The following PCDHA6 variants were observed in gnomAD, a reference collection of about 807,000 sequenced individuals.
The protein encoded by PCDHA6 is protocadherin alpha 6, also known as protocadherin alpha-6.
In PCDHA6, 55 loss-of-function variants were observed where a neutral mutation model predicts 60.3. The observed-to-expected ratio is 0.91, with a 90% confidence interval of 0.73 to 1.14. The LOEUF (loss-of-function observed/expected upper bound fraction) is 1.14, where lower values mean the gene tolerates loss of function less well. Among genes scored for constraint, PCDHA6 ranks in the 50% most tolerant of loss-of-function variants. PCDHA6 has a pLI of 0.00. For synonymous variants in PCDHA6, 652 were observed against 557.9 expected (o/e 1.17, Z -2.38); for missense variants, 1,327 against 1,256.5 (o/e 1.06, Z -0.85).
intron 1 of PCDHA6, among the ~76,000 whole-genome samples, chr5:140,891,033 G>C (rs2062910794): frequency 6.6e-6 from 1 of 151,596 alleles, no homozygotes; most frequent in South Asian, 2.1e-4. Context: ...TATAATCTTA[G>C]GTGTGACCCC....
At chr5:140,833,975 T>C (rs1554134022) in intron 1 of PCDHA6, among the ~76,000 whole-genome samples, 1 of 152,086 alleles carries the variant, frequency 6.6e-6, no homozygotes, top group East Asian at 1.9e-4. Flanking sequence ...GAAAAAAAAG[T>C]TTTTCTAAGG....
intron 1 of PCDHA6, among the ~76,000 whole-genome samples, chr5:140,908,808 A>C (rs781863210): frequency 6.6e-6 from 1 of 152,068 alleles, no homozygotes; most frequent in Non-Finnish European, 1.5e-5. Flanking sequence ...AAAAAGTGAG[A>C]GCCTTTTGGG....
chr5:140,842,791 G>C (rs1554139385), intron 1 of PCDHA6: 1 of 1,594,368 alleles, frequency 6.3e-7, no homozygotes, highest in Non-Finnish European at 8.6e-7. Context: ...ACGCGCTGGT[G>C]TCCTACTCGC....
chr5:140,859,656 C>A (rs2045955130), intron 1 of PCDHA6: 1 of 155,362 alleles, frequency 6.4e-6, no homozygotes, highest in Admixed American at 6.4e-5. Context: ...TCAGTACGTG[C>A]TTCACAAATA....
At chr5:140,883,459 G>A in intron 1 of PCDHA6, 1 of 1,614,132 alleles carries the variant, frequency 6.2e-7, no homozygotes, top group Non-Finnish European at 8.5e-7. Context: ...CCTTCAAGCT[G>A]GTGTCCACCT....
chr5:140,847,929 T>C (rs1164805160), intron 1 of PCDHA6: 1 of 151,198 alleles, frequency 6.6e-6, no homozygotes, highest in African/African-American at 2.4e-5. Context: ...CACTAGAGAT[T>C]GCAACTCCTG....
Position 140,967,255 on chromosome 5 carries a change from T to C in PCDHA6, c.2395-11694T>C, listed in dbSNP as rs202164321. ...TTCAGGTAAGCGAATCGGTGGCGCC[T>C]GGAGCGCGCTTTCACATAGAGAGTG... On this transcript the variant is annotated intron_variant, in intron 1 of 3. Coordinates refer to ENST00000529310, the MANE Select transcript of PCDHA6 (RefSeq NM_018909.4). The C allele has an allele frequency of 1.8e-4, 297 of 1,613,460 alleles. 1 individual carries two copies. The East Asian group carries it at 6.5e-3, about 35-fold the overall frequency.
intron 1 of PCDHA6, among the ~76,000 whole-genome samples, chr5:140,941,213 TCC>T (rs1491191685): frequency 2.4e-4 from 26 of 106,900 alleles, no homozygotes; most frequent in African/African-American, 9.0e-4. Context: ...CTTTCTTTCT[TCC>T]TTTCTTTCTT....
chr5:140,838,089 T>TA (rs1775524644), intron 1 of PCDHA6, among the ~76,000 whole-genome samples: 1 of 121,926 alleles, frequency 8.2e-6, no homozygotes, highest in East Asian at 2.1e-4. Context: ...TGTGTGTGTG[T>TA]GTGTGTGTGT....
intron 1 of PCDHA6, among the ~76,000 whole-genome samples, chr5:140,970,781 G>A (rs2096433448): frequency 6.6e-6 from 1 of 152,042 alleles, no homozygotes; most frequent in Admixed American, 6.6e-5. Context: ...CATACATATT[G>A]TATGTAATAT....
At position 140,848,714 on chromosome 5, in the gene PCDHA6, C is replaced by A. The variant is rs2150418580; in HGVS notation, c.2394+18229C>A. On this transcript the variant is annotated intron_variant, in intron 1 of 3. Transcript: ENST00000529310. ...AGTTGGATTCCAAAGGCCGCGGGGA[C>A]CTTCTGGAGGTAAATCTGCAGAATG... 5.0e-6 allele frequency: 8 copies of A among 1,592,122 alleles called. 1 individual carries two copies. Among genetic ancestry groups the A allele is most frequent in the Non-Finnish European group, 6.0e-6 (7 of 1,163,208 alleles).
intron 1 of PCDHA6, among the ~76,000 whole-genome samples, chr5:140,838,078 G>T (rs1414212899): frequency 5.1e-3 from 32 of 6,318 alleles, no homozygotes; most frequent in East Asian, 4.1e-3. Context: ...TATATATATA[G>T]TGTGTGTGTG....
At chr5:140,834,349 T>C (rs1772916837) in intron 1 of PCDHA6, 1 of 1,534,320 alleles carries the variant, frequency 6.5e-7, no homozygotes, top group Non-Finnish European at 8.8e-7. Context: ...CGAAGGCAAG[T>C]TTTGCTGACT....
chr5:140,928,778 C>G (rs564618368), intron 1 of PCDHA6: 3 of 1,614,136 alleles, frequency 1.9e-6, no homozygotes, highest in East Asian at 4.5e-5. Context: ...CCCACTGATG[C>G]AGTTAAGCAG....
intron 1 of PCDHA6, among the ~76,000 whole-genome samples, chr5:140,964,512 T>C (rs2095837085): frequency 6.6e-6 from 1 of 152,128 alleles, no homozygotes; most frequent in African/African-American, 2.4e-5. Context: ...CAATACCCAG[T>C]GGCCAGGTCT....
rs186756859 is a variant in PCDHA6, at chr5:140,846,728, A to G, written c.2394+16243A>G. 4.0e-5 allele frequency among the ~76,000 whole-genome samples: 6 copies of G among 149,464 alleles called. 1 individual carries two copies. The highest frequency in any genetic ancestry group is 2.0e-4 in the Admixed American group (3 of 14,884). On this transcript the variant is annotated intron_variant, in intron 1 of 3. Transcript: ENST00000529310. ...TTGTAATAACCAGTCTTCATTAAACATTAAATAGGACCCTTACAGATCTCT... is the reference window on the plus strand; with the variant it reads ...TTGTAATAACCAGTCTTCATTAAACGTTAAATAGGACCCTTACAGATCTCT...
At chr5:140,958,192 C>G (rs1554223363) in intron 1 of PCDHA6, among the ~76,000 whole-genome samples, 1 of 151,790 alleles carries the variant, frequency 6.6e-6, no homozygotes, top group Non-Finnish European at 1.5e-5. Context: ...TGTTACTGGT[C>G]TAGTATACAA....
At chr5:141,000,768 A>G (rs1434125702) in intron 3 of PCDHA6, among the ~76,000 whole-genome samples, 43 of 151,864 alleles carry the variant, frequency 2.8e-4, no homozygotes, top group African/African-American at 4.8e-5. Context: ...TTAGCCAGGC[A>G]TAGTGGCGCA....
chr5:140,953,536 A>G (rs2094900021), intron 1 of PCDHA6, among the ~76,000 whole-genome samples: 1 of 152,124 alleles, frequency 6.6e-6, no homozygotes, highest in Non-Finnish European at 1.5e-5. Flanking sequence ...AACTCACTTC[A>G]TGCTGATTCT....
Sources: allele counts gnomAD v4.1 joint callset (sites outside exome capture counted in the v4.1 genomes callset), GRCh38; gene constraint gnomAD v4.1.1; transcripts MANE v1.5; gene names NCBI Gene and HGNC (gene_info 2026-07-23, HGNC 2026-07-21).